Variants in CNTN5 observed in about 807,000 individuals in gnomAD.
CNTN5 encodes the protein contactin-5.
CNTN5 carries 77 observed loss-of-function variants against 129.1 expected under a neutral mutation model. The ratio of observed to expected loss-of-function variants is 0.60; its 90% CI spans 0.50 to 0.72. The LOEUF is 0.72. Ranked by LOEUF, CNTN5 falls within the 30% of genes least tolerant of loss-of-function variation. The pLI is 0.00. For missense variants in CNTN5, 1,478 were observed against 1,328.8 expected, an observed-to-expected ratio of 1.11 and a Z score of -1.75; for synonymous variants, 509 against 465.6, an observed-to-expected ratio of 1.09 and a Z score of -1.20.
At chr11:100,099,630 T>C (rs574730939) in intron 13 of CNTN5, among the ~76,000 whole-genome samples, 1 of 152,226 alleles carries the variant, frequency 6.6e-6, no homozygotes, top group East Asian at 1.9e-4. Context: ...TCTTTCTGCT[T>C]TGTGATTAGT....
At chr11:100,067,027 A>G (rs981848851) in intron 10 of CNTN5, among the ~76,000 whole-genome samples, 1 of 152,008 alleles carries the variant, frequency 6.6e-6, no homozygotes, top group Middle Eastern at 3.4e-3. Context: ...GCCCTTTCAC[A>G]TAATGTTTTT....
At chr11:99,472,708 G>A (rs1565211338) in intron 2 of CNTN5, among the ~76,000 whole-genome samples, 1 of 151,802 alleles carries the variant, frequency 6.6e-6, no homozygotes, top group South Asian at 2.1e-4. Context: ...TCACTCGGTT[G>A]CCCAGGCTGA....
chr11:99,957,875 G>A (rs557867536), intron 8 of CNTN5, among the ~76,000 whole-genome samples: 54 of 149,824 alleles, frequency 3.6e-4, no homozygotes, highest in Admixed American at 2.1e-3. Context: ...GTGTGTGTGT[G>A]TATATATGTT....
intron 3 of CNTN5, among the ~76,000 whole-genome samples, chr11:99,709,201 C>CT (rs760087198): frequency 1.7e-4 from 26 of 151,884 alleles, no homozygotes; most frequent in Non-Finnish European, 3.4e-4. Context: ...TTTCATGCAA[C>CT]TATGATGGCA....
intron 9 of CNTN5, among the ~76,000 whole-genome samples, chr11:100,057,516 T>A (rs1943285315): frequency 2.6e-5 from 4 of 151,828 alleles, no homozygotes; most frequent in South Asian, 4.1e-4. Flanking sequence ...ATTCATTCAC[T>A]TATTTCATAA....
At position 100,013,632 on chromosome 11, in the gene CNTN5, A is replaced by G. The variant is rs144530924; in HGVS notation, c.980+11496A>G. ...TTAGGCAAATTATGTATCCCATTTG[A>G]CCTGTTTCCTTATTTTGAACTCTCA... is the stretch of plus-strand genomic sequence containing the variant. On this transcript the variant is annotated intron_variant, in intron 9 of 24. Transcript: ENST00000524871. 6.0e-3 allele frequency among the ~76,000 whole-genome samples: 918 copies of G among 152,188 alleles called. 13 individuals carry two copies. Among genetic ancestry groups the G allele is most frequent in the African/African-American group, 0.021 (867 of 41,534 alleles).
At chr11:100,337,365 G>T (rs189209328) in intron 21 of CNTN5, 1 of 816,166 alleles carries the variant, frequency 1.2e-6, no homozygotes, top group Non-Finnish European at 2.2e-6. Context: ...ATCACAAAGC[G>T]AACAGCCAGC....
intron 16 of CNTN5, among the ~76,000 whole-genome samples, chr11:100,247,845 A>G (rs1365746461): frequency 6.6e-6 from 1 of 152,162 alleles, no homozygotes; most frequent in African/African-American, 2.4e-5. Flanking sequence ...TTGAGTCAAC[A>G]CAAACTGGTC....
At chr11:99,435,837 T>C (rs1277559377) in intron 2 of CNTN5, among the ~76,000 whole-genome samples, 1 of 152,198 alleles carries the variant, frequency 6.6e-6, no homozygotes, top group South Asian at 2.1e-4. Context: ...ATTTGTGGCA[T>C]GGCCATGTAG....
At chr11:99,542,385 T>C (rs564271623) in intron 2 of CNTN5, among the ~76,000 whole-genome samples, 2 of 152,314 alleles carry the variant, frequency 1.3e-5, no homozygotes, top group East Asian at 1.9e-4. Flanking sequence ...ATTTTAACTT[T>C]TAAAAATTCC....
intron 1 of CNTN5, among the ~76,000 whole-genome samples, chr11:99,195,132 T>A (rs1361336608): frequency 6.6e-5 from 10 of 152,186 alleles, no homozygotes; most frequent in African/African-American, 1.7e-4. Context: ...TAAAAAGTAA[T>A]CTGAAGGATT....
At chr11:99,385,048 T>G (rs563411311) in intron 2 of CNTN5, among the ~76,000 whole-genome samples, 1 of 152,344 alleles carries the variant, frequency 6.6e-6, no homozygotes, top group African/African-American at 2.4e-5. Context: ...TTTGTTTGTT[T>G]GTTTTTGTAA....
At chr11:99,945,208 A>G (rs572601186) in intron 7 of CNTN5, among the ~76,000 whole-genome samples, 1 of 152,036 alleles carries the variant, frequency 6.6e-6, no homozygotes, top group African/African-American at 2.4e-5. Flanking sequence ...AAAGAGTAAA[A>G]CTACTCCTAA....
chr11:99,626,720 T>C (rs1258664434), intron 3 of CNTN5, among the ~76,000 whole-genome samples: 1 of 152,056 alleles, frequency 6.6e-6, no homozygotes, highest in African/African-American at 2.4e-5. Flanking sequence ...ACCTAGAGAG[T>C]ACTACGCTGT....
At chr11:99,555,111 C>G (rs1341157902) in intron 2 of CNTN5, among the ~76,000 whole-genome samples, 2 of 151,836 alleles carry the variant, frequency 1.3e-5, no homozygotes, top group Admixed American at 1.3e-4. Flanking sequence ...ACAATAAATT[C>G]CTTTCTTTGA....
At chr11:99,167,320 T>A (rs1205878061) in intron 1 of CNTN5, among the ~76,000 whole-genome samples, 1 of 152,174 alleles carries the variant, frequency 6.6e-6, no homozygotes, top group African/African-American at 2.4e-5. Flanking sequence ...TAAGCAGATA[T>A]ATTTTGCATT....
At chr11:99,829,005 G>A (rs1410963308) in intron 4 of CNTN5, among the ~76,000 whole-genome samples, 2 of 152,014 alleles carry the variant, frequency 1.3e-5, no homozygotes, top group Non-Finnish European at 2.9e-5. Flanking sequence ...GATCATTTTA[G>A]CAACAAAAGC....
At chr11:100,255,647 A>T in intron 16 of CNTN5, 113 bp from the exon 17 acceptor site, 1 of 884,748 alleles carries the variant, frequency 1.1e-6, no homozygotes, top group Non-Finnish European at 1.7e-6. Flanking sequence ...TACTAAATTC[A>T]TATTTCATTA....
At chr11:99,175,069 G>T (rs1169322222) in intron 1 of CNTN5, among the ~76,000 whole-genome samples, 1 of 151,780 alleles carries the variant, frequency 6.6e-6, no homozygotes, top group Non-Finnish European at 1.5e-5. Context: ...TCTAGTCTCT[G>T]CAAGATATGA....
Sources: allele counts gnomAD v4.1 joint callset (sites outside exome capture counted in the v4.1 genomes callset), GRCh38; gene constraint gnomAD v4.1.1; transcripts MANE v1.5; gene names NCBI Gene and HGNC (gene_info 2026-07-23, HGNC 2026-07-21).